PCYOX1L: variants seen among roughly 807,000 people sequenced by gnomAD.
PCYOX1L encodes prenylcysteine oxidase 1-like.
PCYOX1L carries 40 observed loss-of-function variants against 44.1 expected under a neutral mutation model. That is an observed-to-expected ratio of 0.91 (90% confidence interval 0.70 to 1.18). The LOEUF (loss-of-function observed/expected upper bound fraction) is 1.18. Among genes scored for constraint, PCYOX1L ranks in the 50% most tolerant of loss-of-function variants. The probability of loss-of-function intolerance (pLI) is 0.00; values close to 1 mark genes in which losing one functional copy is unlikely to be tolerated. For missense variants in PCYOX1L, 605 were observed against 653.3 expected (o/e 0.93, Z 0.81); for synonymous variants, 266 against 282.8 (o/e 0.94, Z 0.60).
chr5:149,364,449 C>T (rs950292309), intron 3 of PCYOX1L: 4 of 424,940 alleles, frequency 9.4e-6, no homozygotes, highest in African/African-American at 5.9e-5. Flanking sequence ...TACACTGATA[C>T]TAATAAAAGC....
intron 1 of PCYOX1L, 110 bp downstream of exon 1, chr5:149,358,266 C>T: frequency 7.9e-7 from 1 of 1,261,182 alleles, no homozygotes; most frequent in Non-Finnish European, 1.0e-6. Context: ...GGGAGGGGTC[C>T]TCGGAAAAGG....
intron 3 of PCYOX1L, 131 bp from the exon 4 acceptor site, chr5:149,365,811 C>G: frequency 1.3e-6 from 1 of 780,092 alleles, no homozygotes; most frequent in East Asian, 2.6e-5. Context: ...CATGACCAGC[C>G]TCTTCTGCCA....
At chr5:149,363,925 A>G in intron 2 of PCYOX1L, 111 bp from the exon 3 acceptor site, 1 of 1,255,928 alleles carries the variant, frequency 8.0e-7, no homozygotes, top group South Asian at 1.5e-5. Flanking sequence ...AACAAGCAGC[A>G]CAAATGAACA....
intron 5 of PCYOX1L, 128 bp from the exon 6 acceptor site, chr5:149,367,865 C>A: frequency 9.8e-7 from 1 of 1,016,734 alleles, no homozygotes. Flanking sequence ...GGCCAGGACC[C>A]ACCATTTAGA....
chr5:149,368,588 C>T lies in PCYOX1L; in HGVS notation c.1419C>T (p.Arg473=), dbSNP rs768560284. The T allele has an allele frequency of 1.3e-6, 2 of 1,572,606 alleles. No individual in the cohort carries two copies. Among genetic ancestry groups the T allele is most frequent in the Admixed American group, 1.9e-5 (1 of 53,250 alleles). The part of the protein sequence containing the change: ...AKNVALLAYN[R]WYQDLDKIDQ... ...ATGTGGCCTTGCTGGCTTACAACCG[C>T]TGGTACCAGGACCTAGACAAGATTG... The change falls in exon 6 of 6, where the codon CGC becomes CGT. Residue 473 remains arginine, a synonymous_variant. Transcript: ENST00000274569.
chr5:149,368,204 C>T lies in PCYOX1L; in HGVS notation c.1035C>T (p.Tyr345=). 6.2e-7 allele frequency: 1 copy of T among 1,614,188 alleles called. No homozygotes were observed. The highest frequency in any genetic ancestry group is 8.5e-7 in the Non-Finnish European group (1 of 1,180,040). ...SLVHGYLNSS[Y]FGFPDPKLFP... is the part of the protein sequence containing the mutation. ...TCCACGGCTACCTCAACTCGTCCTA[C>T]TTCGGTTTCCCAGACCCTAAGCTTT... The change falls in exon 6 of 6, where the codon TAC becomes TAT. Residue 345 remains tyrosine (Y), a synonymous_variant. Transcript: ENST00000274569.
intron 4 of PCYOX1L, 116 bp downstream of exon 4, chr5:149,366,269 G>A (rs940732019): frequency 1.9e-6 from 2 of 1,038,388 alleles, no homozygotes; most frequent in East Asian, 5.2e-5. Flanking sequence ...AGTCACATAG[G>A]CACTCTGCTG....
At chr5:149,359,479 G>C (rs1056166017) in intron 1 of PCYOX1L, among the ~76,000 whole-genome samples, 1 of 152,248 alleles carries the variant, frequency 6.6e-6, no homozygotes, top group Non-Finnish European at 1.5e-5. Context: ...GAGTTAGGCA[G>C]GCAGTATCCA....
chr5:149,365,904 C>A (rs1298492787), intron 3 of PCYOX1L, 38 bp from the exon 4 acceptor site: 7 of 1,608,880 alleles, frequency 4.4e-6, no homozygotes, highest in Non-Finnish European at 6.0e-6. Context: ...GGCAAAAAGC[C>A]TTCCTGCACA....
rs772050324 is a variant in PCYOX1L, at chr5:149,368,326, A to G, written c.1157A>G (p.Lys386Arg). Reference protein sequence around the residue: ...PVNISASFRRKQPQEAAVWRV... With the variant: ...PVNISASFRRRQPQEAAVWRV... ...AACATCTCTGCCAGCTTCCGGCGAA[A>G]GCAGCCCCAGGAGGCAGCTGTTTGG... The change falls in exon 6 of 6, where the codon AAG (lysine) becomes AGG (arginine). Residue 386 changes from lysine (K) to arginine (R), a missense_variant. Lys to Arg is a conservative substitution (Grantham distance 26). Coordinates refer to ENST00000274569, the MANE Select transcript of PCYOX1L (RefSeq NM_024028.4). 4 of 1,614,236 alleles carry G rather than the reference A, an allele frequency of 2.5e-6. No homozygotes were observed. The highest frequency in any genetic ancestry group is 3.4e-6 in the Non-Finnish European group (4 of 1,180,048).
At chr5:149,361,942 C>G (rs1192556313) in intron 1 of PCYOX1L, 1 of 152,638 alleles carries the variant, frequency 6.6e-6, no homozygotes, top group South Asian at 2.1e-4. Context: ...ACATTCCAGT[C>G]TTGACAAACA....
intron 1 of PCYOX1L, 175 bp from the exon 2 acceptor site, chr5:149,362,462 T>C: frequency 1.5e-6 from 1 of 649,578 alleles, no homozygotes; most frequent in Non-Finnish European, 2.6e-6. Context: ...TTGCCTTTGC[T>C]TATTAATAGC....
intron 1 of PCYOX1L, among the ~76,000 whole-genome samples, chr5:149,360,341 G>A (rs1031513733): frequency 6.6e-6 from 1 of 152,152 alleles, no homozygotes; most frequent in African/African-American, 2.4e-5. Flanking sequence ...CAGCTTCTAG[G>A]CCTTAATATC....
rs897236188 is a variant in PCYOX1L at position 149,368,932 on chromosome 5, G to A, written c.*278G>A. The A allele has an allele frequency of 7.1e-6, 2 of 279,808 alleles. No homozygotes were observed. Among genetic ancestry groups the A allele is most frequent in the East Asian group, 1.3e-4 (2 of 15,472 alleles). The allele number at this position is 279,808 out of a possible 1,614,324, so 17.3% of individuals were successfully genotyped here. A position where few individuals can be genotyped will look rare whatever the true frequency, so the allele number is the denominator to read the frequency against. On this transcript the variant is annotated 3_prime_UTR_variant, in exon 6 of 6. Coordinates refer to ENST00000274569, the MANE Select transcript of PCYOX1L (RefSeq NM_024028.4). ...GAAGAAAAAAGTTCATCTTCACAAG[G>A]TGCTTCAGACTTGGTTTCTTAGCTA... is the stretch of plus-strand genomic sequence containing the variant.
At chr5:149,362,554 CAGG>C in intron 1 of PCYOX1L, 80 bp from the exon 2 acceptor site, 1 of 1,431,244 alleles carries the variant, frequency 7.0e-7, no homozygotes. Flanking sequence ...ACCACCAGCG[CAGG>C]AGGATACAAA....
intron 1 of PCYOX1L, 122 bp from the exon 2 acceptor site, chr5:149,362,515 A>G: frequency 2.0e-6 from 2 of 982,998 alleles, no homozygotes; most frequent in East Asian, 2.6e-5. Flanking sequence ...TGGAAATGTT[A>G]TAAGCCTAGG....
In PCYOX1L at chr5:149,359,983, T is replaced by C. The variant is rs532621288; in HGVS notation, c.88+1827T>C. Among the ~76,000 whole-genome samples, 10 of 152,294 alleles carry C rather than the reference T, an allele frequency of 6.6e-5. No homozygotes were observed. In the East Asian group the frequency reaches 1.7e-3, roughly 26 times the overall value. On this transcript the variant is annotated intron_variant, in intron 1 of 5. Transcript: ENST00000274569. ...ATATGCTGCCCTTCTCATGCTGGTC[T>C]CTTTGCAGAGTGTGCGTGTCCTCTC...
rs1337735670 is a variant in PCYOX1L at position 149,366,170 on chromosome 5, T to G, written c.682+17T>G. Reference sequence around the variant, plus strand: ...CCTTTGCAGGTAAGCGTCCAACCCTTGGCCTGCCCACCTGCCCCTCCTCCA... The same window carrying G: ...CCTTTGCAGGTAAGCGTCCAACCCTGGGCCTGCCCACCTGCCCCTCCTCCA... On this transcript the variant is annotated intron_variant, in intron 4 of 5. Coordinates refer to ENST00000274569, the MANE Select transcript of PCYOX1L (RefSeq NM_024028.4). The G allele has an allele frequency of 1.2e-6, 2 of 1,605,376 alleles. No individual in the cohort carries two copies. Among genetic ancestry groups the G allele is most frequent in the Non-Finnish European group, 1.7e-6 (2 of 1,178,618 alleles).
intron 1 of PCYOX1L, 118 bp downstream of exon 1, chr5:149,358,274 A>G (rs1757910090): frequency 1.6e-6 from 2 of 1,260,102 alleles, no homozygotes; most frequent in Non-Finnish European, 2.0e-6. Context: ...TCCTCGGAAA[A>G]GGAGCTGGGT....
Sources: allele counts gnomAD v4.1 joint callset (sites outside exome capture counted in the v4.1 genomes callset), GRCh38; gene constraint gnomAD v4.1.1; transcripts MANE v1.5; gene names NCBI Gene and HGNC (gene_info 2026-07-23, HGNC 2026-07-21).